Variants in SPATA13 observed in about 807,000 individuals in gnomAD.
SPATA13 encodes the protein spermatogenesis-associated protein 13.
In SPATA13, 50 loss-of-function variants were observed where a neutral mutation model predicts 104.0. That is an observed-to-expected ratio of 0.48 (90% CI 0.38 to 0.61). SPATA13 has a LOEUF of 0.61. Among genes scored for constraint, SPATA13 ranks in the 20% least tolerant of loss-of-function variants. SPATA13 has a pLI of 0.00. For synonymous variants in SPATA13, 606 were observed against 667.5 expected (o/e 0.91, Z 1.42); for missense variants, 1,524 against 1,690.6 (o/e 0.90, Z 1.73).
intron 3 of SPATA13, chr13:24,122,750 C>A: frequency 1.2e-6 from 1 of 835,716 alleles, no homozygotes; most frequent in Non-Finnish European, 2.1e-6. Context: ...AGCCATCTTG[C>A]TGGAAGACTT....
intron 3 of SPATA13, among the ~76,000 whole-genome samples, chr13:24,152,062 T>C (rs1204918182): frequency 3.9e-5 from 6 of 152,218 alleles, no homozygotes; most frequent in Non-Finnish European, 2.9e-5. Context: ...GTGAACACAC[T>C]GAACAGTCTT....
At position 24,190,957 on chromosome 13, in the gene SPATA13, T is replaced by A. The variant is rs79673995; in HGVS notation, c.-112+30025T>A. Among the ~76,000 whole-genome samples, 858 of 152,208 alleles carry A rather than the reference T, an allele frequency of 5.6e-3. 6 individuals carry two copies. Among genetic ancestry groups the A allele is most frequent in the African/African-American group, 0.019 (803 of 41,514 alleles). ...TCAACAAATGCAGCAAACCTCACTGTCTTCTCATTTTAAGAAATTGCCACT... is the reference window on the plus strand; with the variant it reads ...TCAACAAATGCAGCAAACCTCACTGACTTCTCATTTTAAGAAATTGCCACT... On this transcript the variant is annotated intron_variant, in intron 1 of 12. Transcript: ENST00000382108.
rs117742994 is a variant in SPATA13 at position 23,993,627 on chromosome 13, G to T, written c.-147+9694G>T. 5.5e-4 allele frequency among the ~76,000 whole-genome samples: 83 copies of T among 152,260 alleles called. No individual in the cohort carries two copies. The East Asian group carries it at 0.015, about 28-fold the overall frequency. On this transcript the variant is annotated intron_variant, in intron 2 of 14. Coordinates refer to the SPATA13 transcript ENST00000424834. ...GCCCCAGCCCTTCCCACAGACCCCT[G>T]CGTGACATTGTTGGACCATGGATTC...
At position 24,254,027 on chromosome 13, in the gene SPATA13, G is replaced by GT. The variant is rs1566174988; in HGVS notation, c.2164+2166dup. 2.0e-5 allele frequency among the ~76,000 whole-genome samples: 3 copies of GT among 152,220 alleles called. No homozygotes were observed. The South Asian group carries it at 6.2e-4, about 32-fold the overall frequency. On this transcript the variant is annotated intron_variant, in intron 4 of 12. Coordinates refer to ENST00000382108, the MANE Select transcript of SPATA13 (RefSeq NM_001166271.3). ...TATGCTTAGAGAGGGAGGGCAGTTT[G>GT]TGGGGGGAAAGGAAGAGGAATGGAG...
intron 3 of SPATA13, among the ~76,000 whole-genome samples, chr13:24,138,024 G>T (rs560207352): frequency 6.6e-6 from 1 of 152,192 alleles, no homozygotes; most frequent in African/African-American, 2.4e-5. Flanking sequence ...TACTGGGCCA[G>T]GCGTAGTGGC....
intron 1 of SPATA13, among the ~76,000 whole-genome samples, chr13:24,168,756 G>A (rs1397479756): frequency 3.3e-5 from 5 of 151,818 alleles, no homozygotes; most frequent in Non-Finnish European, 5.9e-5. Context: ...CAAGAAAGAA[G>A]GAAGGGCATA....
intron 1 of SPATA13, among the ~76,000 whole-genome samples, chr13:24,189,275 T>C (rs1455215640): frequency 6.6e-6 from 1 of 151,740 alleles, no homozygotes; most frequent in African/African-American, 2.4e-5. Context: ...ATGGAGACCA[T>C]CCTGGCTAAC....
intron 4 of SPATA13, among the ~76,000 whole-genome samples, chr13:24,255,256 G>T (rs1223509338): frequency 6.6e-6 from 1 of 152,148 alleles, no homozygotes; most frequent in African/African-American, 2.4e-5. Flanking sequence ...AAGAAGACTT[G>T]TAGTAGGATG....
At chr13:24,121,482 A>C (rs2137824666) in intron 3 of SPATA13, among the ~76,000 whole-genome samples, 1 of 152,340 alleles carries the variant, frequency 6.6e-6, no homozygotes, top group Non-Finnish European at 1.5e-5. Context: ...TTTTATAATC[A>C]GTTATGTAGT....
At chr13:24,114,385 G>T (rs540025676) in intron 3 of SPATA13, among the ~76,000 whole-genome samples, 1 of 150,860 alleles carries the variant, frequency 6.6e-6, no homozygotes, top group African/African-American at 2.4e-5. Flanking sequence ...GCACATGCGC[G>T]TGTGTGTGCA....
At chr13:24,295,516 T>G (rs527374552) in intron 10 of SPATA13, among the ~76,000 whole-genome samples, 2 of 151,974 alleles carry the variant, frequency 1.3e-5, no homozygotes, top group African/African-American at 4.8e-5. Context: ...GGAGGCTGAG[T>G]TGAAAGGATC....
At chr13:24,175,481 T>A (rs919795299) in intron 1 of SPATA13, among the ~76,000 whole-genome samples, 5 of 152,176 alleles carry the variant, frequency 3.3e-5, no homozygotes, top group Admixed American at 6.6e-5. Context: ...TTAGAAACTC[T>A]GAAGAAAACC....
chr13:24,197,334 A>C (rs893113058), intron 1 of SPATA13, among the ~76,000 whole-genome samples: 2 of 152,256 alleles, frequency 1.3e-5, no homozygotes, highest in African/African-American at 2.4e-5. Context: ...GATTAACTAC[A>C]GAATAAGTGT....
chr13:24,231,618 T>C (rs893882494), intron 2 of SPATA13, among the ~76,000 whole-genome samples: 2 of 152,206 alleles, frequency 1.3e-5, no homozygotes, highest in African/African-American at 4.8e-5. Flanking sequence ...GGTGGATACC[T>C]AGGGGTGGAA....
At chr13:24,292,439 G>A (rs976061143) in intron 9 of SPATA13, among the ~76,000 whole-genome samples, 3 of 152,198 alleles carry the variant, frequency 2.0e-5, no homozygotes, top group Admixed American at 6.5e-5. Context: ...CTAGGCTAAA[G>A]CTGACTCTTT....
At chr13:24,122,913 G>C in intron 3 of SPATA13, 3 of 777,396 alleles carry the variant, frequency 3.9e-6, no homozygotes, top group Non-Finnish European at 7.2e-6. Flanking sequence ...GAGCTGTTGG[G>C]TTATCTCTTA....
chr13:24,070,749 G>C (rs780442211), intron 3 of SPATA13, among the ~76,000 whole-genome samples: 1 of 152,136 alleles, frequency 6.6e-6, no homozygotes, highest in African/African-American at 2.4e-5. Flanking sequence ...AGAACGGAAG[G>C]CTGACCCTCC....
At chr13:24,192,127 G>T (rs1290489915) in intron 1 of SPATA13, among the ~76,000 whole-genome samples, 1 of 152,096 alleles carries the variant, frequency 6.6e-6, no homozygotes, top group Non-Finnish European at 1.5e-5. Context: ...CCAGTCCATT[G>T]TGGCCATGCT....
chr13:23,987,869 A>C (rs1348672957), intron 2 of SPATA13, among the ~76,000 whole-genome samples: 1 of 151,964 alleles, frequency 6.6e-6, no homozygotes, highest in Non-Finnish European at 1.5e-5. Flanking sequence ...TTTGCCCTTT[A>C]GTATCTGGCT....
Sources: gnomAD v4.1 joint callset for allele counts (sites outside exome capture counted in the v4.1 genomes callset) on GRCh38, gnomAD v4.1.1 for gene constraint, MANE v1.5 for transcripts, NCBI Gene and HGNC (gene_info 2026-07-23, HGNC 2026-07-21) for gene names.